SGCE: variants seen among roughly 807,000 people sequenced by gnomAD.
SGCE encodes the protein epsilon-sarcoglycan.
In SGCE, 26 loss-of-function variants were observed where a neutral mutation model predicts 57.8. That is an observed-to-expected ratio of 0.45 (90% CI 0.33 to 0.62). The LOEUF (loss-of-function observed/expected upper bound fraction) is 0.62, where lower values mean the gene tolerates loss of function less well. Ranked by LOEUF, SGCE falls within the 20% of genes least tolerant of loss-of-function variation. The pLI, the probability that SGCE is intolerant of heterozygous loss-of-function variation, is 0.02. For missense variants in SGCE, 468 were observed against 548.6 expected (o/e 0.85, Z 1.47); for synonymous variants, 183 against 189.5 (o/e 0.97, Z 0.28).
intron 1 of SGCE, among the ~76,000 whole-genome samples, chr7:94,642,525 T>A (rs937844373): frequency 2.6e-5 from 4 of 152,156 alleles, no homozygotes; most frequent in African/African-American, 9.7e-5. Context: ...TATTCATGAC[T>A]CCACCATGGA....
intron 9 of SGCE, among the ~76,000 whole-genome samples, chr7:94,594,769 T>G (rs963236919): frequency 6.6e-6 from 1 of 152,130 alleles, no homozygotes; most frequent in Non-Finnish European, 1.5e-5. Context: ...AATAAAAAGT[T>G]TATTAAAGAA....
At chr7:94,608,512 G>T (rs1800509969) in intron 5 of SGCE, among the ~76,000 whole-genome samples, 2 of 152,248 alleles carry the variant, frequency 1.3e-5, no homozygotes, top group South Asian at 2.1e-4. Flanking sequence ...ATTAATTATA[G>T]ATTCAATGTA....
intron 1 of SGCE, among the ~76,000 whole-genome samples, chr7:94,648,161 T>C (rs1209406579): frequency 6.6e-6 from 1 of 151,774 alleles, no homozygotes; most frequent in Non-Finnish European, 1.5e-5. Flanking sequence ...TCACCAGAGG[T>C]CAGGAGTTCA....
At chr7:94,603,552 A>C in intron 5 of SGCE, 100 bp from the exon 6 acceptor site, 2 of 1,110,790 alleles carry the variant, frequency 1.8e-6, no homozygotes, top group Non-Finnish European at 2.7e-6. Context: ...GAATTGAGAG[A>C]TTAACTAGAC....
At chr7:94,655,199 T>G (rs1458979882) in intron 1 of SGCE, among the ~76,000 whole-genome samples, 1 of 152,208 alleles carries the variant, frequency 6.6e-6, no homozygotes, top group East Asian at 1.9e-4. Flanking sequence ...AAGGTCTCTG[T>G]GTAAACCTCG....
intron 1 of SGCE, among the ~76,000 whole-genome samples, chr7:94,633,725 C>T (rs757786860): frequency 4.6e-5 from 7 of 152,094 alleles, no homozygotes; most frequent in Admixed American, 6.6e-5. Context: ...TGGGTGTGCA[C>T]GTGTGCTTAT....
At chr7:94,601,979 T>C (rs957984920) in intron 6 of SGCE, among the ~76,000 whole-genome samples, 1 of 152,122 alleles carries the variant, frequency 6.6e-6, no homozygotes, top group Non-Finnish European at 1.5e-5. Context: ...AAATAAAAAA[T>C]AAAAATTCCC....
At position 94,586,061 on chromosome 7, in the gene SGCE, G is replaced by GAAAAAAAAAAAAAAAAAAAAA. The variant is rs780812386; in HGVS notation, c.1298-567_1298-547dup. ...TTTAAAAGAAAACAAGGAACTAAAT[G>GAAAAAAAAAAAAAAAAAAAAA]AAAAAAAAAAAAAAAAAAAAAAAAA... On this transcript the variant is annotated intron_variant, in intron 10 of 10. Transcript: ENST00000648936. Among the ~76,000 whole-genome samples the GAAAAAAAAAAAAAAAAAAAAA allele has an allele frequency of 6.9e-5, 2 of 28,908 alleles. 1 individual carries two copies. Among genetic ancestry groups the GAAAAAAAAAAAAAAAAAAAAA allele is most frequent in the Non-Finnish European group, 1.2e-4 (2 of 16,950 alleles). The allele number at this position is 28,908 out of a possible 152,430, so 19.0% of individuals were successfully genotyped here.
rs778035143 is a variant in SGCE, at chr7:94,585,543, A to G, written c.1298-28T>C. ...GCAATGTGTAAGAATGAATATGGGCAGGAGTTAGTCAGGGCATGGATACTT... is the reference window on the plus strand; with the variant it reads ...GCAATGTGTAAGAATGAATATGGGCGGGAGTTAGTCAGGGCATGGATACTT... On this transcript the variant is annotated intron_variant, in intron 10 of 10. Coordinates refer to ENST00000648936, the MANE Select transcript of SGCE (RefSeq NM_003919.3). 9 of 1,543,526 alleles carry G rather than the reference A, an allele frequency of 5.8e-6. No individual in the cohort carries two copies. In the South Asian group the frequency reaches 1.0e-4, roughly 17 times the overall value.
chr7:94,599,149 A>G, intron 8 of SGCE, 186 bp from the exon 9 acceptor site: 1 of 553,882 alleles, frequency 1.8e-6, no homozygotes, highest in South Asian at 2.6e-5. Context: ...AACAAAACTG[A>G]AAATTATAAA....
intron 2 of SGCE, 152 bp from the exon 3 acceptor site, chr7:94,628,511 T>C: frequency 1.7e-6 from 1 of 602,792 alleles, no homozygotes. Context: ...GAATTTAAAT[T>C]AGGGCACCAC....
intron 1 of SGCE, among the ~76,000 whole-genome samples, chr7:94,633,146 G>A (rs1036244292): frequency 7.9e-5 from 12 of 151,714 alleles, no homozygotes; most frequent in Admixed American, 2.0e-4. Flanking sequence ...AATCTTCTAC[G>A]GCTGCAAATC....
Position 94,628,274 on chromosome 7 carries a change from C to T in SGCE, c.318G>A (p.Arg106=), listed in dbSNP as rs767782290. 1 of 1,611,628 alleles carries T rather than the reference C, an allele frequency of 6.2e-7. No homozygotes were observed. Among genetic ancestry groups the T allele is most frequent in the Non-Finnish European group, 8.5e-7 (1 of 1,178,446 alleles). ...DRPGWLRYIQ[R]TPYSDGVLYG... is the part of the protein sequence containing the mutation. ...ATAGGACTCCATCACTATATGGTGT[C>T]CTTTGGATATATCGAAGCCATCCAG... Residue 106 remains arginine (R), a synonymous_variant, in exon 3 of 11, where the codon AGG becomes AGA. Transcript: ENST00000648936.
chr7:94,608,077 C>T (rs1800432851), intron 5 of SGCE, among the ~76,000 whole-genome samples: 1 of 152,204 alleles, frequency 6.6e-6, no homozygotes, highest in Non-Finnish European at 1.5e-5. Context: ...GGTGTGATGG[C>T]TCACACCTGT....
Position 94,604,806 on chromosome 7 carries a change from AATATATATATATAT to A in SGCE, c.663-1368_663-1355del, listed in dbSNP as rs59162734. Among the ~76,000 whole-genome samples, 414 of 44,316 alleles carry A rather than the reference AATATATATATATAT, an allele frequency of 9.3e-3. 6 individuals are homozygous for A. The highest frequency in any genetic ancestry group is 0.037 in the East Asian group (84 of 2,262). The allele number at this position is 44,316 out of a possible 152,430, so 29.1% of individuals were successfully genotyped here. A position where few individuals can be genotyped will look rare whatever the true frequency, so the allele number is the denominator to read the frequency against. On this transcript the variant is annotated intron_variant, in intron 5 of 10. Coordinates refer to ENST00000648936, the MANE Select transcript of SGCE (RefSeq NM_003919.3). ...TATTTTTTATAACTAATGGTGCTGG[AATATATATATATAT>A]ATATATATATATATATATATATATA...
chr7:94,596,475 A>G (rs948423695), intron 9 of SGCE, among the ~76,000 whole-genome samples: 1 of 152,146 alleles, frequency 6.6e-6, no homozygotes, highest in East Asian at 1.9e-4. Flanking sequence ...TGTTTGTTAC[A>G]TTATCAACAG....
At chr7:94,586,137 A>G (rs753743424) in intron 10 of SGCE, among the ~76,000 whole-genome samples, 83 of 151,158 alleles carry the variant, frequency 5.5e-4, no homozygotes, top group Non-Finnish European at 7.2e-4. Flanking sequence ...ATAGGTAGCT[A>G]CAAATAAAAT....
chr7:94,618,496 T>C (rs1010693143), intron 5 of SGCE: 5 of 410,806 alleles, frequency 1.2e-5, no homozygotes, highest in African/African-American at 8.3e-5. Context: ...TAATGGAAGG[T>C]ACAAAAGACT....
chr7:94,638,325 A>G (rs1347614501), intron 1 of SGCE, among the ~76,000 whole-genome samples: 2 of 152,198 alleles, frequency 1.3e-5, no homozygotes, highest in African/African-American at 4.8e-5. Context: ...ACTTTGTCCC[A>G]TTGTGAAAGA....
Sources: gnomAD v4.1 joint callset for allele counts (sites outside exome capture counted in the v4.1 genomes callset) on GRCh38, gnomAD v4.1.1 for gene constraint, MANE v1.5 for transcripts, NCBI Gene and HGNC (gene_info 2026-07-23, HGNC 2026-07-21) for gene names.